Variants in SMPDL3B observed in about 807,000 individuals in gnomAD.
SMPDL3B encodes the protein sphingomyelin phosphodiesterase acid like 3B, also known as acid sphingomyelinase-like phosphodiesterase 3b.
A neutral mutation model predicts 37.9 loss-of-function variants in SMPDL3B; 31 were observed. The observed-to-expected ratio is 0.82, with a 90% confidence interval of 0.61 to 1.10. The LOEUF (loss-of-function observed/expected upper bound fraction) is 1.10, where lower values mean the gene tolerates loss of function less well. SMPDL3B is among the 50% of genes least tolerant of loss of function. The pLI is 0.00. For missense variants in SMPDL3B, 525 were observed against 597.8 expected (o/e 0.88, Z 1.27); for synonymous variants, 235 against 242.6 (o/e 0.97, Z 0.29).
Position 27,958,685 on chromosome 1 carries a change from C to G in SMPDL3B, c.1215C>G (p.Cys405Trp), listed in dbSNP as rs1305965151. The G allele has an allele frequency of 2.5e-6, 4 of 1,613,956 alleles. No individual in the cohort carries two copies. Among genetic ancestry groups the G allele is most frequent in the Admixed American group, 1.7e-5 (1 of 60,030 alleles). The change falls in exon 8 of 8, where the codon TGC becomes TGG. Residue 405 changes from cysteine (C) to tryptophan (W), a missense_variant. By Grantham distance (215) the Cys-to-Trp change is radical. Transcript: ENST00000373894. The surrounding 1 kb of genome is among the most constrained non-coding windows in gnomAD (Gnocchi z 5.6). ...YNSVSYSAGV[C>W]DEACSMQHVC... Reference sequence around the variant, plus strand: ...CAGTCAGCTACTCTGCTGGGGTCTGCGACGAGGCCTGCAGCATGCAGCACG... The same window carrying G: ...CAGTCAGCTACTCTGCTGGGGTCTGGGACGAGGCCTGCAGCATGCAGCACG...
At chr1:27,943,492 G>T (rs2090377348) in intron 1 of SMPDL3B, among the ~76,000 whole-genome samples, 1 of 152,136 alleles carries the variant, frequency 6.6e-6, no homozygotes. Flanking sequence ...ATCCAACCCT[G>T]AGATCAAAAG....
chr1:27,936,411 C>G (rs1351173152), intron 1 of SMPDL3B: 1 of 151,680 alleles, frequency 6.6e-6, no homozygotes. Context: ...TGTGATTGTG[C>G]CACTGCACCC....
chr1:27,955,728 G>C lies in SMPDL3B; in HGVS notation c.735G>C (p.Thr245=), dbSNP rs545671971. The C allele has an allele frequency of 7.2e-5, 117 of 1,614,124 alleles. No homozygotes were observed. Among genetic ancestry groups the C allele is most frequent in the Middle Eastern group, 3.3e-4 (2 of 6,054 alleles). ...TGCCCCCGGGGTTCTTTGAGAAGAC[G>C]CAAAACAAGGCATGGTTCCGGGAGG... The part of the protein sequence containing the change: ...GHVPPGFFEK[T]QNKAWFREGF... Residue 245 remains threonine (T), a synonymous_variant, in exon 6 of 8, where the codon ACG becomes ACC. Transcript: ENST00000373894.
At chr1:27,949,013 T>G in intron 2 of SMPDL3B, 52 bp from the exon 3 acceptor site, 1 of 1,613,380 alleles carries the variant, frequency 6.2e-7, no homozygotes, top group Non-Finnish European at 8.5e-7. Context: ...TTCCTTTTCT[T>G]CTGCTGCTTC....
intron 1 of SMPDL3B, among the ~76,000 whole-genome samples, chr1:27,936,262 G>C (rs2090307298): frequency 6.6e-6 from 1 of 151,710 alleles, no homozygotes; most frequent in Non-Finnish European, 1.5e-5. Context: ...GACCAGCCTG[G>C]GCAACATAGC....
intron 1 of SMPDL3B, among the ~76,000 whole-genome samples, chr1:27,944,226 T>C (rs11247730): frequency 0.63 from 95,987 of 151,832 alleles, 31,037 homozygotes; most frequent in Non-Finnish European, 0.71. Flanking sequence ...GAGCCACACC[T>C]TGGATCCAGA....
intron 1 of SMPDL3B, among the ~76,000 whole-genome samples, chr1:27,944,164 A>C (rs1234980359): frequency 6.6e-6 from 1 of 151,860 alleles, no homozygotes; most frequent in Non-Finnish European, 1.5e-5. Flanking sequence ...TCGGAAACTG[A>C]GTCTAGGTTT....
chr1:27,947,888 G>C, intron 2 of SMPDL3B, among the ~76,000 whole-genome samples: 1 of 151,962 alleles, frequency 6.6e-6, no homozygotes, highest in Non-Finnish European at 1.5e-5. Flanking sequence ...GCCTAGGTGT[G>C]TTTTTTATCA....
At chr1:27,941,732 G>A (rs1183042689) in intron 1 of SMPDL3B, among the ~76,000 whole-genome samples, 1 of 152,192 alleles carries the variant, frequency 6.6e-6, no homozygotes, top group Non-Finnish European at 1.5e-5. Flanking sequence ...GGAGGCAGCC[G>A]CATGATGATG....
At position 27,945,935 on chromosome 1, in the gene SMPDL3B, C is replaced by G. The variant is rs779595592; in HGVS notation, c.275+490C>G. 1.3e-5 allele frequency among the ~76,000 whole-genome samples: 2 copies of G among 152,168 alleles called. No homozygotes were observed. Among genetic ancestry groups the G allele is most frequent in the Non-Finnish European group, 2.9e-5 (2 of 68,020 alleles). On this transcript the variant is annotated intron_variant, in intron 2 of 7. Transcript: ENST00000373894. This position sits in a 1 kb window ranked among gnomAD's most constrained non-coding sequence, Gnocchi z 4.0. Reference sequence around the variant, plus strand: ...TTTTCTCACCAGTCAGAGCTCTGCTCTACAGAGTGACAGCTTGAGGGCCGA... The same window carrying G: ...TTTTCTCACCAGTCAGAGCTCTGCTGTACAGAGTGACAGCTTGAGGGCCGA...
intron 3 of SMPDL3B, among the ~76,000 whole-genome samples, chr1:27,952,446 A>G (rs2090462455): frequency 6.6e-6 from 1 of 152,196 alleles, no homozygotes; most frequent in African/African-American, 2.4e-5. Flanking sequence ...TCCAAGAGTT[A>G]TTTTTGTTGA....
intron 1 of SMPDL3B, among the ~76,000 whole-genome samples, chr1:27,940,156 A>C (rs1051114482): frequency 6.6e-6 from 1 of 152,092 alleles, no homozygotes; most frequent in Non-Finnish European, 1.5e-5. Context: ...GTGAAGGAGG[A>C]GGCGGGCCAG....
intron 1 of SMPDL3B, among the ~76,000 whole-genome samples, chr1:27,937,061 T>C (rs2090316031): frequency 6.6e-6 from 1 of 151,980 alleles, no homozygotes; most frequent in Admixed American, 6.6e-5. Flanking sequence ...AAAAAAGGAA[T>C]TCCGCAGCAC....
At chr1:27,938,849 A>C (rs551088038) in intron 1 of SMPDL3B, 1 of 152,374 alleles carries the variant, frequency 6.6e-6, no homozygotes, top group African/African-American at 2.4e-5. Flanking sequence ...CCTTTAAGGT[A>C]GACTGGGCTA....
Position 27,955,234 on chromosome 1 carries a change from C to G in SMPDL3B, c.691-450C>G, listed in dbSNP as rs138161862. ...CATACATTTAACTCTGTCCCCTGTT[C>G]TAACTCCTGCCATGGTGGCCAAGTG... On this transcript the variant is annotated intron_variant, in intron 5 of 7. Transcript: ENST00000373894. 7.0e-3 allele frequency among the ~76,000 whole-genome samples: 1,064 copies of G among 152,330 alleles called. 6 individuals are homozygous for G. Among genetic ancestry groups the G allele is most frequent in the Non-Finnish European group, 0.011 (733 of 68,034 alleles).
rs1238623446 is a variant in SMPDL3B, at chr1:27,945,946, C to T, written c.275+501C>T. On this transcript the variant is annotated intron_variant, in intron 2 of 7. Transcript: ENST00000373894. The surrounding 1 kb of genome is among the most constrained non-coding windows in gnomAD (Gnocchi z 4.0). ...GTCAGAGCTCTGCTCTACAGAGTGA[C>T]AGCTTGAGGGCCGATCCCACTCAGC... Among the ~76,000 whole-genome samples the T allele has an allele frequency of 6.6e-6, 1 of 152,190 alleles. No homozygotes were observed. The highest frequency in any genetic ancestry group is 1.5e-5 in the Non-Finnish European group (1 of 68,042).
chr1:27,957,130 T>A (rs1382629680), intron 7 of SMPDL3B, among the ~76,000 whole-genome samples: 1 of 152,014 alleles, frequency 6.6e-6, no homozygotes, highest in African/African-American at 2.4e-5. Flanking sequence ...CTGTGACTTA[T>A]AATTTTATGG....
rs2090296576 is a variant in SMPDL3B at position 27,935,233 on chromosome 1, G to C, written c.50G>C (p.Arg17Thr). 1.2e-6 allele frequency: 2 copies of C among 1,613,272 alleles called. No individual in the cohort carries two copies. The highest frequency in any genetic ancestry group is 4.5e-5 in the East Asian group (2 of 44,884). ...LIFLANWGGA[R>T]AEPGKFWHIA... The stretch of plus-strand genomic sequence containing the variant: ...TTCCTGGCTAACTGGGGAGGTGCCA[G>C]GGCTGAACCAGGTACAGCACTGGGA... The change falls in exon 1 of 8, where the codon AGG becomes ACG. Residue 17 changes from arginine to threonine, a missense_variant. Arg to Thr is a moderately conservative substitution (Grantham distance 71, BLOSUM62 -1). Coordinates refer to ENST00000373894, the MANE Select transcript of SMPDL3B (RefSeq NM_014474.4).
At position 27,945,139 on chromosome 1, in the gene SMPDL3B, C is replaced by T. The variant is rs567885721; in HGVS notation, c.62-93C>T. 222 of 1,216,748 alleles carry T rather than the reference C, an allele frequency of 1.8e-4. 1 individual carries two copies. Among genetic ancestry groups the T allele is most frequent in the African/African-American group, 8.2e-4 (55 of 67,460 alleles). 75.4% of individuals were successfully genotyped at this position (1,216,748 alleles called of 1,614,324 possible). On this transcript the variant is annotated intron_variant, in intron 1 of 7. Transcript: ENST00000373894. The surrounding 1 kb of genome is among the most constrained non-coding windows in gnomAD (Gnocchi z 4.0). Reference sequence around the variant, plus strand: ...AGAAGACTTCCATTTGCCTGTGTAACGCCCCTGCCCCAGCCCAGGGCTCCC... The same window carrying T: ...AGAAGACTTCCATTTGCCTGTGTAATGCCCCTGCCCCAGCCCAGGGCTCCC...
Sources: gnomAD v4.1 joint callset for allele counts (sites outside exome capture counted in the v4.1 genomes callset) on GRCh38, gnomAD v4.1.1 for gene constraint, Gnocchi (gnomAD v3.1) non-coding constraint, MANE v1.5 for transcripts, NCBI Gene and HGNC (gene_info 2026-07-23, HGNC 2026-07-21) for gene names.